The following SCN11A variants were observed in gnomAD, a reference collection of about 807,000 sequenced individuals.
The protein encoded by SCN11A is sodium voltage-gated channel alpha subunit 11, also known as sodium channel protein type 11 subunit alpha.
SCN11A carries 122 observed loss-of-function variants against 162.2 expected under a neutral mutation model. That is an observed-to-expected ratio of 0.75 (90% CI 0.65 to 0.87). SCN11A has a LOEUF of 0.87. Ranked by LOEUF, SCN11A falls within the 40% of genes least tolerant of loss-of-function variation. The pLI is 0.00. For synonymous variants in SCN11A, 758 were observed against 751.5 expected, an observed-to-expected ratio of 1.01 and a Z score of -0.14; for missense variants, 2,015 against 2,181.6, an observed-to-expected ratio of 0.92 and a Z score of 1.52.
At chr3:38,972,332 A>G (rs943042254) in intron 2 of SCN11A, among the ~76,000 whole-genome samples, 3 of 152,146 alleles carry the variant, frequency 2.0e-5, no homozygotes, top group African/African-American at 7.2e-5. Context: ...CCGGTGACCC[A>G]GGTCCTTTTA....
At chr3:38,950,975 G>GGTGACAGCGTGCTGGCAGTC (rs1347274868) in intron 4 of SCN11A, among the ~76,000 whole-genome samples, 2 of 152,362 alleles carry the variant, frequency 1.3e-5, no homozygotes, top group East Asian at 3.9e-4. Context: ...GAAAGTGAGA[G>GGTGACAGCGTGCTGGCAGTC]GTGACAGCGT....
intron 1 of SCN11A, among the ~76,000 whole-genome samples, chr3:39,034,898 A>G (rs959923232): frequency 6.6e-6 from 1 of 152,196 alleles, no homozygotes; most frequent in Admixed American, 6.5e-5. Context: ...CAAAAAAGTA[A>G]AAGATCTCTA....
chr3:39,022,151 T>C (rs2031466670), intron 2 of SCN11A, among the ~76,000 whole-genome samples: 1 of 152,186 alleles, frequency 6.6e-6, no homozygotes, highest in Non-Finnish European at 1.5e-5. Flanking sequence ...CTTCACCTTT[T>C]GATATCAGAG....
At chr3:38,939,758 C>A (rs538745562) in intron 7 of SCN11A, among the ~76,000 whole-genome samples, 1 of 152,084 alleles carries the variant, frequency 6.6e-6, no homozygotes, top group South Asian at 2.1e-4. Context: ...ACAAAATTAG[C>A]CAGGTGTGGT....
intron 19 of SCN11A, among the ~76,000 whole-genome samples, chr3:38,891,719 G>A (rs2065502961): frequency 6.6e-6 from 1 of 152,178 alleles, no homozygotes; most frequent in Admixed American, 6.5e-5. Context: ...AGGGAAGGCA[G>A]CAAACTCATT....
At chr3:38,919,747 G>A (rs1465254423) in intron 11 of SCN11A, among the ~76,000 whole-genome samples, 188 bp downstream of exon 11, 2 of 152,212 alleles carry the variant, frequency 1.3e-5, no homozygotes, top group Admixed American at 1.3e-4. Context: ...AGGGAGGAAA[G>A]CTGCCTTAAA....
chr3:38,885,235 A>T, intron 21 of SCN11A, 53 bp downstream of exon 21: 1 of 1,033,624 alleles, frequency 9.7e-7, no homozygotes, highest in Non-Finnish European at 1.5e-6. Context: ...AAAGAAGAAC[A>T]GAAACCCCAT....
At chr3:39,001,963 G>A (rs1200571881) in intron 2 of SCN11A, among the ~76,000 whole-genome samples, 1 of 152,086 alleles carries the variant, frequency 6.6e-6, no homozygotes, top group Non-Finnish European at 1.5e-5. Context: ...CGTGAACCCG[G>A]GAGGCAGAGC....
At chr3:39,024,900 C>T (rs1215942151) in intron 2 of SCN11A, among the ~76,000 whole-genome samples, 1 of 152,178 alleles carries the variant, frequency 6.6e-6, no homozygotes, top group Non-Finnish European at 1.5e-5. Context: ...GACAATTTCC[C>T]CTGTATCTTT....
Position 38,909,170 on chromosome 3 carries a change from A to C in SCN11A, c.1126T>G (p.Ser376Ala). The C allele has an allele frequency of 6.2e-7, 1 of 1,614,102 alleles. No homozygotes were observed. Among genetic ancestry groups the C allele is most frequent in the Non-Finnish European group, 8.5e-7 (1 of 1,179,954 alleles). Reference protein sequence around the residue: ...QQTLRTTGLYSVFFFIVVIFL... With the variant: ...QQTLRTTGLYAVFFFIVVIFL... ...ATGACCACAATGAAGAAGAAGACTG[A>C]GTAGAGCCCAGTAGTACGCAGGGTC... The change falls in exon 13 of 30, where the codon TCA (serine) becomes GCA (alanine). Residue 376 changes from serine to alanine, a missense_variant. Coordinates refer to ENST00000302328, the MANE Select transcript of SCN11A (RefSeq NM_001349253.2).
rs146785565 is a variant in SCN11A at position 38,964,642 on chromosome 3, T to C, written c.-279-4219A>G. Among the ~76,000 whole-genome samples, 19 of 152,232 alleles carry C rather than the reference T, an allele frequency of 1.2e-4. No homozygotes were observed. The East Asian group carries it at 3.3e-3, about 26-fold the overall frequency. ...ACTCAACAGGTGGAGAAAGTGGGGATGGGCTTTCCATGAAAAGCAGGTGCA... is the reference window on the plus strand; with the variant it reads ...ACTCAACAGGTGGAGAAAGTGGGGACGGGCTTTCCATGAAAAGCAGGTGCA... On this transcript the variant is annotated intron_variant, in intron 2 of 29. Transcript: ENST00000302328.
At chr3:38,899,848 C>A in intron 17 of SCN11A, 46 bp downstream of exon 17, 1 of 1,533,162 alleles carries the variant, frequency 6.5e-7, no homozygotes. Context: ...ACGTTTTTTC[C>A]ACTTAGGCAG....
rs2065866924 is a variant in SCN11A, at chr3:38,910,190, T to C, written c.977A>G (p.Tyr326Cys). The change falls in exon 12 of 30, where the codon TAT becomes TGT. Residue 326 changes from tyrosine (Y) to cysteine (C), a missense_variant. Physicochemically the swap from Tyr to Cys is radical, Grantham distance 194. Coordinates refer to ENST00000302328, the MANE Select transcript of SCN11A (RefSeq NM_001349253.2). ...WMGNSACSIQYECKHTKINPD... is the reference protein window; with the variant it reads ...WMGNSACSIQCECKHTKINPD... ...ATTAATTTTGGTGTGCTTACATTCA[T>C]ATTGTATGGAACAGGCACTAGATAT... The C allele has an allele frequency of 6.2e-7, 1 of 1,613,230 alleles. No individual in the cohort carries two copies. The highest frequency in any genetic ancestry group is 1.3e-5 in the African/African-American group (1 of 74,856).
rs200220230 is a variant in SCN11A at position 38,870,756 on chromosome 3, G to T, written c.3760-12C>A. ...CCCTTAAATGTTGCCTGCAACAAAA[G>T]CAGAAAAACATGAATAATACAAATG... On this transcript the variant is annotated splice_polypyrimidine_tract_variant and intron_variant, in intron 25 of 29. Transcript: ENST00000302328. 3 of 1,610,878 alleles carry T rather than the reference G, an allele frequency of 1.9e-6. No homozygotes were observed. Among genetic ancestry groups the T allele is most frequent in the Non-Finnish European group, 1.7e-6 (2 of 1,177,440 alleles).
rs1328096760 is a variant in SCN11A, at chr3:38,886,033, GCATT to G, written c.2949+88_2949+91del. On this transcript the variant is annotated intron_variant, in intron 20 of 29. Transcript: ENST00000302328. ...AAACTCGATTCTTGCAATTTTCTCT[GCATT>G]AATTGTGCCATTTTTCCATAATAAC... 14 of 804,014 alleles carry G rather than the reference GCATT, an allele frequency of 1.7e-5. No individual in the cohort carries two copies. In the Admixed American group the frequency reaches 3.1e-4, roughly 18 times the overall value. The allele number at this position is 804,014 out of a possible 1,614,324, so 49.8% of individuals were successfully genotyped here.
intron 2 of SCN11A, among the ~76,000 whole-genome samples, chr3:38,991,942 G>A (rs2030465194): frequency 6.6e-6 from 1 of 152,116 alleles, no homozygotes; most frequent in East Asian, 1.9e-4. Flanking sequence ...CTGAGTAGCT[G>A]GGATTACAGG....
intron 18 of SCN11A, among the ~76,000 whole-genome samples, chr3:38,896,147 C>A (rs967621728): frequency 5.9e-5 from 9 of 152,316 alleles, no homozygotes; most frequent in African/African-American, 2.2e-4. Flanking sequence ...TTTGTTCTCT[C>A]TTTTCACTCT....
intron 16 of SCN11A, among the ~76,000 whole-genome samples, chr3:38,901,379 T>C (rs1425390911): frequency 6.6e-6 from 1 of 152,212 alleles, no homozygotes; most frequent in South Asian, 2.1e-4. Context: ...TCTAAAAGCA[T>C]ACAGTGATGC....
intron 2 of SCN11A, among the ~76,000 whole-genome samples, chr3:38,996,575 C>T (rs2030637960): frequency 6.6e-6 from 1 of 152,248 alleles, no homozygotes; most frequent in East Asian, 1.9e-4. Context: ...CAACATCAGC[C>T]TTGTGTGGAC....
Sources: gnomAD v4.1 joint callset for allele counts (sites outside exome capture counted in the v4.1 genomes callset) on GRCh38, gnomAD v4.1.1 for gene constraint, MANE v1.5 for transcripts, NCBI Gene and HGNC (gene_info 2026-07-23, HGNC 2026-07-21) for gene names.